KAZN: variants seen among roughly 807,000 people sequenced by gnomAD.
KAZN encodes kazrin.
KAZN carries 40 observed loss-of-function variants against 87.4 expected under a neutral mutation model. The observed-to-expected ratio is 0.46, with a 90% CI of 0.36 to 0.60. The LOEUF is 0.60. Among genes scored for constraint, KAZN ranks in the 20% least tolerant of loss-of-function variants. The pLI is 0.00. For synonymous variants in KAZN, 466 were observed against 458.3 expected (o/e 1.02, Z -0.22); for missense variants, 898 against 1,073.9 (o/e 0.84, Z 2.29).
intron 2 of KAZN, among the ~76,000 whole-genome samples, chr1:14,257,785 G>A (rs1650635331): frequency 2.8e-5 from 3 of 106,246 alleles, no homozygotes; most frequent in Admixed American, 1.2e-4. Flanking sequence ...ACACTCTGGG[G>A]ACTGTGGTGG....
chr1:14,753,745 T>C (rs1644476657), intron 1 of KAZN, among the ~76,000 whole-genome samples: 1 of 152,278 alleles, frequency 6.6e-6, no homozygotes, highest in South Asian at 2.1e-4. Context: ...CCATAGAGGC[T>C]ACATCTTTCC....
At chr1:14,681,858 A>AT (rs1425588313) in intron 1 of KAZN, among the ~76,000 whole-genome samples, 1 of 149,120 alleles carries the variant, frequency 6.7e-6, no homozygotes, top group Non-Finnish European at 1.5e-5. Context: ...CACCCAGCTA[A>AT]TTTTTTGTAT....
intron 1 of KAZN, among the ~76,000 whole-genome samples, chr1:14,730,891 C>T (rs1643649342): frequency 6.6e-6 from 1 of 152,130 alleles, no homozygotes; most frequent in East Asian, 1.9e-4. Context: ...GTGGCCCTCC[C>T]TCTTGTGCCA....
chr1:14,257,499 C>A (rs1481428708), intron 2 of KAZN, among the ~76,000 whole-genome samples: 1 of 146,442 alleles, frequency 6.8e-6, no homozygotes, highest in African/African-American at 2.6e-5. Context: ...TCAATTTTGT[C>A]TTTTGTTGCC....
At chr1:14,788,217 C>T (rs1028378903) in intron 1 of KAZN, among the ~76,000 whole-genome samples, 9 of 152,198 alleles carry the variant, frequency 5.9e-5, no homozygotes, top group African/African-American at 1.7e-4. Context: ...CAGCCCCAAA[C>T]GCATCAGCCA....
chr1:14,333,709 G>A (rs1425548059), intron 2 of KAZN, among the ~76,000 whole-genome samples: 1 of 152,220 alleles, frequency 6.6e-6, no homozygotes, highest in Non-Finnish European at 1.5e-5. Context: ...GATTAGGGAT[G>A]CTGACAGGGG....
intron 2 of KAZN, among the ~76,000 whole-genome samples, chr1:14,452,443 A>T (rs957163904): frequency 3.9e-5 from 6 of 152,160 alleles, no homozygotes; most frequent in African/African-American, 1.4e-4. Context: ...GCTTTTATCC[A>T]AGAGAATGCA....
intron 1 of KAZN, among the ~76,000 whole-genome samples, chr1:14,641,946 A>G (rs1301203128): frequency 2.0e-5 from 3 of 152,276 alleles, no homozygotes; most frequent in African/African-American, 7.2e-5. Context: ...TCCAGAATAT[A>G]TAAAGAATTC....
At chr1:14,755,565 A>G (rs190265878) in intron 1 of KAZN, among the ~76,000 whole-genome samples, 1 of 152,328 alleles carries the variant, frequency 6.6e-6, no homozygotes, top group Admixed American at 6.5e-5. Context: ...GGAAGGTCTC[A>G]GCGCTGATTC....
chr1:14,153,684 G>A (rs10803467), intron 1 of KAZN, among the ~76,000 whole-genome samples: 35,328 of 151,266 alleles, frequency 0.23, 4,356 homozygotes, highest in South Asian at 0.34. Flanking sequence ...AGGCTGAGAC[G>A]GGAGAATTGC....
In KAZN at chr1:14,908,295, C is replaced by G. The variant is rs375320816; in HGVS notation, c.227-52389C>G. 3.3e-5 allele frequency among the ~76,000 whole-genome samples: 5 copies of G among 152,268 alleles called. No homozygotes were observed. In the East Asian group the frequency reaches 5.8e-4, roughly 18 times the overall value. On this transcript the variant is annotated intron_variant, in intron 1 of 14. Coordinates refer to ENST00000376030, the MANE Select transcript of KAZN (RefSeq NM_201628.3). The stretch of plus-strand genomic sequence containing the variant: ...GTGGCTCATGCCTGTAATCCCAGCA[C>G]TTTGGGAGGCTGAGGCAGGTGGATC...
chr1:14,144,801 G>C (rs1256950568), intron 1 of KAZN, among the ~76,000 whole-genome samples: 2 of 152,134 alleles, frequency 1.3e-5, no homozygotes, highest in Non-Finnish European at 2.9e-5. Context: ...AAGCAAGTGG[G>C]GGGAAGTTCC....
At chr1:14,433,901 C>G (rs1666226826) in intron 2 of KAZN, among the ~76,000 whole-genome samples, 1 of 152,222 alleles carries the variant, frequency 6.6e-6, no homozygotes, top group African/African-American at 2.4e-5. Flanking sequence ...TCTCTCTCTT[C>G]CTCTGGATGT....
At chr1:14,041,311 T>G (rs890268717) in intron 1 of KAZN, among the ~76,000 whole-genome samples, 2 of 152,358 alleles carry the variant, frequency 1.3e-5, no homozygotes, top group African/African-American at 4.8e-5. Context: ...ATTATGACTA[T>G]GCAGATATTG....
chr1:14,655,217 A>G (rs557109855), intron 1 of KAZN, among the ~76,000 whole-genome samples: 4 of 151,786 alleles, frequency 2.6e-5, no homozygotes, highest in South Asian at 4.2e-4. Context: ...TCCTCTATCC[A>G]TTTTCTCCCC....
chr1:14,882,890 G>A (rs1305823791), intron 1 of KAZN, among the ~76,000 whole-genome samples: 1 of 152,100 alleles, frequency 6.6e-6, no homozygotes, highest in Admixed American at 6.5e-5. Context: ...ACCAAGGTGT[G>A]GAAAGGTGAA....
intron 1 of KAZN, among the ~76,000 whole-genome samples, chr1:14,944,446 C>T (rs960938027): frequency 6.6e-6 from 1 of 152,206 alleles, no homozygotes; most frequent in Non-Finnish European, 1.5e-5. Context: ...ATGCCTGCCA[C>T]GGCCCCTGGA....
chr1:14,284,148 A>C (rs1653061934), intron 2 of KAZN, among the ~76,000 whole-genome samples: 1 of 151,936 alleles, frequency 6.6e-6, no homozygotes, highest in Admixed American at 6.6e-5. Context: ...GGGAATGGGG[A>C]GTGATTTTTA....
At chr1:14,355,054 T>A (rs1235422423) in intron 2 of KAZN, among the ~76,000 whole-genome samples, 3 of 152,064 alleles carry the variant, frequency 2.0e-5, no homozygotes, top group Admixed American at 1.3e-4. Context: ...GTAACAAGGA[T>A]GAGTATCAAA....
Sources: allele counts gnomAD v4.1 joint callset (sites outside exome capture counted in the v4.1 genomes callset), GRCh38; gene constraint gnomAD v4.1.1; transcripts MANE v1.5; gene names NCBI Gene and HGNC (gene_info 2026-07-23, HGNC 2026-07-21).